The following GLIS3 variants were observed in gnomAD, a reference collection of about 807,000 sequenced individuals.
GLIS3 encodes zinc finger protein GLIS3.
In GLIS3, 53 loss-of-function variants were observed where a neutral mutation model predicts 78.6. The observed-to-expected ratio is 0.67, with a 90% CI of 0.54 to 0.85. The LOEUF (loss-of-function observed/expected upper bound fraction) is 0.85. Ranked by LOEUF, GLIS3 falls within the 40% of genes least tolerant of loss-of-function variation. The pLI is 0.00. For missense variants in GLIS3, 1,703 were observed against 1,231.1 expected, an observed-to-expected ratio of 1.38 and a Z score of -5.74; for synonymous variants, 684 against 509.9, an observed-to-expected ratio of 1.34 and a Z score of -4.60.
chr9:3,925,513 T>G (rs967157421), intron 6 of GLIS3, among the ~76,000 whole-genome samples: 1 of 152,202 alleles, frequency 6.6e-6, no homozygotes, highest in Non-Finnish European at 1.5e-5. Context: ...GTATGGGTTT[T>G]CTCCAGGTAC....
the GLIS3 span, among the ~76,000 whole-genome samples, chr9:4,402,189 A>C: frequency 1.2e-4 from 19 of 152,182 alleles, no homozygotes; most frequent in African/African-American, 4.3e-4. Context: ...AATTCCAGAC[A>C]ATTTTAGCAG....
chr9:4,158,388 A>C (rs1227352955), intron 2 of GLIS3, among the ~76,000 whole-genome samples: 2 of 152,184 alleles, frequency 1.3e-5, no homozygotes, highest in African/African-American at 2.4e-5. Context: ...TCACGGAATT[A>C]TCTGGGCTGT....
At chr9:4,029,279 T>TC (rs749458643) in intron 4 of GLIS3, among the ~76,000 whole-genome samples, 9 of 151,720 alleles carry the variant, frequency 5.9e-5, no homozygotes, top group South Asian at 4.2e-4. Context: ...GCAGACCTTT[T>TC]CCCCCCGAGA....
At chr9:4,124,639 G>C (rs1305359843) in intron 3 of GLIS3, among the ~76,000 whole-genome samples, 3 of 152,136 alleles carry the variant, frequency 2.0e-5, no homozygotes, top group African/African-American at 7.2e-5. Flanking sequence ...GAAAAAATTG[G>C]CATAAATAAA....
chr9:4,320,067 A>G (rs1370510099), intron 2 of GLIS3, among the ~76,000 whole-genome samples: 3 of 152,038 alleles, frequency 2.0e-5, no homozygotes, highest in Non-Finnish European at 2.9e-5. Flanking sequence ...TAAGAAACAT[A>G]AAAATCATGA....
At chr9:4,253,946 A>T (rs561609832) in intron 2 of GLIS3, among the ~76,000 whole-genome samples, 4 of 152,280 alleles carry the variant, frequency 2.6e-5, no homozygotes, top group South Asian at 4.1e-4. Context: ...CTCACTGTCT[A>T]ACCAGTCCCA....
At chr9:3,941,696 C>A (rs1272134413) in intron 4 of GLIS3, among the ~76,000 whole-genome samples, 1 of 152,204 alleles carries the variant, frequency 6.6e-6, no homozygotes, top group Non-Finnish European at 1.5e-5. Flanking sequence ...ATAGAACTTA[C>A]ACTCATGGGT....
intron 2 of GLIS3, among the ~76,000 whole-genome samples, chr9:4,210,489 T>C (rs529828542): frequency 2.6e-5 from 4 of 152,350 alleles, no homozygotes; most frequent in African/African-American, 9.6e-5. Flanking sequence ...GAATTTCAAA[T>C]GTGGCCTGCT....
chr9:4,466,047 C>A, the GLIS3 span, among the ~76,000 whole-genome samples: 4 of 152,052 alleles, frequency 2.6e-5, no homozygotes, highest in African/African-American at 9.7e-5. Flanking sequence ...TGGTAAAATT[C>A]ACAAACTTCT....
intron 4 of GLIS3, among the ~76,000 whole-genome samples, chr9:4,054,875 C>G (rs1252422772): frequency 6.6e-6 from 1 of 152,036 alleles, no homozygotes; most frequent in Non-Finnish European, 1.5e-5. Context: ...GTTTTCAAGG[C>G]TCAGAAGATT....
chr9:4,300,482 G>A (rs772736277), upstream of GLIS3, among the ~76,000 whole-genome samples: 1 of 152,074 alleles, frequency 6.6e-6, no homozygotes, highest in Admixed American at 6.5e-5. Context: ...TTGAAATATC[G>A]GATCGGATGC....
intron 9 of GLIS3, among the ~76,000 whole-genome samples, chr9:3,847,910 G>T (rs1204182929): frequency 2.0e-5 from 3 of 152,148 alleles, no homozygotes; most frequent in Non-Finnish European, 4.4e-5. Context: ...CATCATGGCT[G>T]ATATGGAAAA....
intron 2 of GLIS3, chr9:4,147,624 G>C (rs1241470088): frequency 6.6e-6 from 1 of 152,052 alleles, no homozygotes; most frequent in African/African-American, 2.4e-5. Flanking sequence ...GGAGTGCAGA[G>C]AGGAAAGCAT....
At chr9:4,016,102 C>A (rs1456637990) in intron 4 of GLIS3, among the ~76,000 whole-genome samples, 1 of 152,048 alleles carries the variant, frequency 6.6e-6, no homozygotes, top group African/African-American at 2.4e-5. Context: ...CTGCATAAGT[C>A]ATCAAATGGT....
intron 4 of GLIS3, 66 bp downstream of exon 4, chr9:4,117,702 A>G: frequency 6.3e-7 from 1 of 1,596,892 alleles, no homozygotes. Context: ...AGTTAGGAAA[A>G]AACACACGTA....
At chr9:4,112,438 A>G (rs1016153628) in intron 4 of GLIS3, among the ~76,000 whole-genome samples, 1 of 152,214 alleles carries the variant, frequency 6.6e-6, no homozygotes, top group Non-Finnish European at 1.5e-5. Flanking sequence ...GCTTTTATTT[A>G]TCTAGCACTA....
intron 2 of GLIS3, among the ~76,000 whole-genome samples, chr9:4,339,409 A>G (rs1817800923): frequency 6.6e-6 from 1 of 152,168 alleles, no homozygotes; most frequent in South Asian, 2.1e-4. Flanking sequence ...GTTTAAGTTA[A>G]CTGAGAGTTT....
chr9:3,957,421 G>A (rs571789641), intron 4 of GLIS3, among the ~76,000 whole-genome samples: 2 of 152,350 alleles, frequency 1.3e-5, no homozygotes, highest in Admixed American at 6.5e-5. Flanking sequence ...CACTGAGCCT[G>A]CGTGTGCAGG....
Position 3,879,429 on chromosome 9 carries a change from C to A in GLIS3, c.2295G>T (p.Glu765Asp), listed in dbSNP as rs942467208. The A allele has an allele frequency of 1.9e-6, 3 of 1,613,938 alleles. No homozygotes were observed. Among genetic ancestry groups the A allele is most frequent in the Non-Finnish European group, 2.5e-6 (3 of 1,179,998 alleles). Residue 765 changes from glutamate (E) to aspartate (D), a missense_variant and splice_region_variant, in exon 8 of 11, where the codon GAG becomes GAT. Physicochemically the swap from Glu to Asp is conservative, Grantham distance 45. Transcript: ENST00000381971. ...PPLTAVDAGA[E>D]RFAPSAPSPH... is the part of the protein sequence containing the mutation. Reference sequence around the variant, plus strand: ...GAGAGAGAGACAGATGGCCTTACCTCTCAGCTCCTGCGTCCACAGCTGTGA... The same window carrying A: ...GAGAGAGAGACAGATGGCCTTACCTATCAGCTCCTGCGTCCACAGCTGTGA...
Sources: gnomAD v4.1 joint callset for allele counts (sites outside exome capture counted in the v4.1 genomes callset) on GRCh38, gnomAD v4.1.1 for gene constraint, MANE v1.5 for transcripts, NCBI Gene and HGNC (gene_info 2026-07-23, HGNC 2026-07-21) for gene names.